ENTREP2: variants seen among roughly 807,000 people sequenced by gnomAD.
ENTREP2 encodes the protein endosomal transmembrane epsin interactor 2, also known as protein ENTREP2.
the ENTREP2 span, among the ~76,000 whole-genome samples, chr15:29,567,529 C>G: frequency 3.2e-3 from 484 of 152,184 alleles, 3 homozygotes; most frequent in African/African-American, 7.6e-3. Context: ...GTCACTCATC[C>G]CTCTTCCCCT....
chr15:29,495,555 T>C, the ENTREP2 span, among the ~76,000 whole-genome samples: 1 of 152,188 alleles, frequency 6.6e-6, no homozygotes, highest in African/African-American at 2.4e-5. Context: ...AATTTTAACT[T>C]GATTTTTGTG....
the ENTREP2 span, among the ~76,000 whole-genome samples, chr15:29,491,918 C>G: frequency 2.6e-5 from 4 of 152,192 alleles, no homozygotes; most frequent in Admixed American, 2.6e-4. Flanking sequence ...GGGGAAAAAA[C>G]TATTTCCATC....
the ENTREP2 span, among the ~76,000 whole-genome samples, chr15:29,658,210 G>T: frequency 2.6e-5 from 4 of 152,106 alleles, no homozygotes; most frequent in African/African-American, 9.7e-5. Context: ...GTTCTCATGA[G>T]ATCTGATGGT....
chr15:29,338,970 C>T, the ENTREP2 span, among the ~76,000 whole-genome samples: 4 of 152,178 alleles, frequency 2.6e-5, no homozygotes, highest in South Asian at 4.1e-4. Context: ...CAGTCCTCTA[C>T]ATCAGGGACC....
chr15:29,249,200 T>C, the ENTREP2 span, among the ~76,000 whole-genome samples: 4 of 152,092 alleles, frequency 2.6e-5, no homozygotes, highest in African/African-American at 9.7e-5. Context: ...CCCAGCTACT[T>C]GGGAGGCTGA....
the ENTREP2 span, among the ~76,000 whole-genome samples, chr15:29,546,906 A>G: frequency 2.4e-5 from 3 of 125,146 alleles, no homozygotes; most frequent in Non-Finnish European, 3.4e-5. Context: ...AACAACAACA[A>G]AAAAAAAAAC....
At chr15:29,269,077 G>C in the ENTREP2 span, 15 of 1,614,104 alleles carry the variant, frequency 9.3e-6, no homozygotes, top group Non-Finnish European at 1.3e-5. Flanking sequence ...ATGCTTCTTG[G>C]TGGGGTAGAC....
the ENTREP2 span, among the ~76,000 whole-genome samples, chr15:29,137,410 C>T: frequency 6.6e-5 from 10 of 152,318 alleles, no homozygotes; most frequent in Admixed American, 4.6e-4. Context: ...CGCTGTTATA[C>T]AGAATGCCTC....
the ENTREP2 span, among the ~76,000 whole-genome samples, chr15:29,641,535 G>A: frequency 2.0e-5 from 3 of 151,988 alleles, no homozygotes; most frequent in East Asian, 1.9e-4. Context: ...ATCAAAAAAT[G>A]AAAGTAGAAA....
the ENTREP2 span, among the ~76,000 whole-genome samples, chr15:29,571,236 G>C: frequency 1.3e-5 from 2 of 152,186 alleles, no homozygotes; most frequent in South Asian, 2.1e-4. Context: ...GAAGGAGAGC[G>C]GGGGCGGCAG....
the ENTREP2 span, among the ~76,000 whole-genome samples, chr15:29,659,155 TG>T: frequency 6.6e-6 from 1 of 152,204 alleles, no homozygotes; most frequent in East Asian, 1.9e-4. Flanking sequence ...AGTCAGTAGG[TG>T]GTCCTTATCA....
the ENTREP2 span, among the ~76,000 whole-genome samples, chr15:29,393,640 A>G: frequency 6.6e-6 from 1 of 152,130 alleles, no homozygotes; most frequent in South Asian, 2.1e-4. Flanking sequence ...CAAAGTGCCT[A>G]CTCAGCCAAA....
the ENTREP2 span, chr15:29,269,922 G>C: frequency 2.0e-6 from 1 of 497,114 alleles, no homozygotes; most frequent in African/African-American, 2.0e-5. Flanking sequence ...TTTCCGTGCA[G>C]CCCTGCAGGT....
the ENTREP2 span, among the ~76,000 whole-genome samples, chr15:29,384,169 T>A: frequency 6.6e-6 from 1 of 152,180 alleles, no homozygotes; most frequent in Non-Finnish European, 1.5e-5. Flanking sequence ...TGGAAGGAGA[T>A]GACCATTCCC....
At chr15:29,658,620 C>T in the ENTREP2 span, among the ~76,000 whole-genome samples, 1 of 151,960 alleles carries the variant, frequency 6.6e-6, no homozygotes, top group Admixed American at 6.6e-5. Context: ...GTATATAAAT[C>T]ACACTTCATT....
chr15:29,648,995 G>A, the ENTREP2 span, among the ~76,000 whole-genome samples: 2 of 150,896 alleles, frequency 1.3e-5, no homozygotes, highest in African/African-American at 4.9e-5. Context: ...ACCCAAAGTT[G>A]AGCCATCTCA....
the ENTREP2 span, among the ~76,000 whole-genome samples, chr15:29,340,337 C>T: frequency 2.2e-4 from 33 of 152,188 alleles, no homozygotes; most frequent in African/African-American, 7.9e-4. Flanking sequence ...TAGGAGTTTG[C>T]TGATAAATTT....
At chr15:29,618,488 T>G in the ENTREP2 span, among the ~76,000 whole-genome samples, 1 of 151,812 alleles carries the variant, frequency 6.6e-6, no homozygotes, top group Admixed American at 6.6e-5. Flanking sequence ...GTCCTAAATC[T>G]GCTTTCCCTC....
the ENTREP2 span, among the ~76,000 whole-genome samples, chr15:29,128,424 G>A: frequency 9.5e-4 from 144 of 152,252 alleles, no homozygotes; most frequent in Non-Finnish European, 1.9e-3. Flanking sequence ...GTGCCGTGTG[G>A]ACATTTGCCC....
Sources: allele counts gnomAD v4.1 joint callset (sites outside exome capture counted in the v4.1 genomes callset), GRCh38; gene constraint gnomAD v4.1.1; transcripts MANE v1.5; gene names NCBI Gene and HGNC (gene_info 2026-07-23, HGNC 2026-07-21).